NDUFS4: variants seen among roughly 807,000 people sequenced by gnomAD.
NDUFS4 encodes the protein NADH:ubiquinone oxidoreductase subunit S4, also known as NADH dehydrogenase [ubiquinone] iron-sulfur protein 4, mitochondrial.
NDUFS4 carries 28 observed loss-of-function variants against 24.3 expected under a neutral mutation model. The observed-to-expected ratio is 1.15, with a 90% confidence interval of 0.85 to 1.58. NDUFS4 has a LOEUF of 1.58. Ranked by LOEUF, NDUFS4 falls within the 40% of genes most tolerant of loss-of-function variation. NDUFS4 has a pLI of 0.00. For synonymous variants in NDUFS4, 93 were observed against 69.7 expected (o/e 1.34, Z -1.67); for missense variants, 223 against 207.9 (o/e 1.07, Z -0.45).
intron 3 of NDUFS4, among the ~76,000 whole-genome samples, chr5:53,646,741 T>C (rs1039464252): frequency 5.9e-5 from 9 of 152,170 alleles, no homozygotes; most frequent in Non-Finnish European, 1.0e-4. Context: ...AGTTATCCGA[T>C]GGACAGTACA....
chr5:53,634,481 A>G (rs369172682), intron 2 of NDUFS4, among the ~76,000 whole-genome samples: 3 of 152,182 alleles, frequency 2.0e-5, no homozygotes, highest in Admixed American at 6.5e-5. Context: ...AATGTATGCT[A>G]TGTGTTCTTT....
chr5:53,645,646 C>G (rs1177664134), intron 2 of NDUFS4, among the ~76,000 whole-genome samples: 1 of 152,154 alleles, frequency 6.6e-6, no homozygotes, highest in Non-Finnish European at 1.5e-5. Context: ...ATCATTCTCT[C>G]TTTAGTAGGT....
At chr5:53,610,177 T>G (rs1021936707) in intron 2 of NDUFS4, among the ~76,000 whole-genome samples, 10 of 152,184 alleles carry the variant, frequency 6.6e-5, no homozygotes, top group Non-Finnish European at 1.0e-4. Flanking sequence ...CATGAGACTC[T>G]TCCTTTCACT....
At chr5:53,680,316 A>G (rs1029963918) in intron 4 of NDUFS4, among the ~76,000 whole-genome samples, 13 of 152,280 alleles carry the variant, frequency 8.5e-5, no homozygotes, top group African/African-American at 2.6e-4. Flanking sequence ...TAGAAATACC[A>G]TTTGACCCAG....
chr5:53,667,921 C>T (rs1025341048), intron 4 of NDUFS4, among the ~76,000 whole-genome samples: 3 of 152,154 alleles, frequency 2.0e-5, no homozygotes, highest in Admixed American at 6.5e-5. Flanking sequence ...TGGGCTAGTT[C>T]GTCTTTATTT....
At chr5:53,591,461 TG>T (rs374748766) in intron 1 of NDUFS4, among the ~76,000 whole-genome samples, 41,240 of 81,256 alleles carry the variant, frequency 0.51, 10,207 homozygotes, top group Admixed American at 0.57. Flanking sequence ...TTGTTTTTTT[TG>T]GGGGGGGGGG....
At chr5:53,653,934 T>G (rs971490281) in intron 3 of NDUFS4, among the ~76,000 whole-genome samples, 1 of 152,142 alleles carries the variant, frequency 6.6e-6, no homozygotes, top group African/African-American at 2.4e-5. Context: ...ATGTACTGTC[T>G]CTTTAGTTGT....
At chr5:53,568,798 C>T (rs1002076186) in intron 1 of NDUFS4, among the ~76,000 whole-genome samples, 6 of 152,018 alleles carry the variant, frequency 3.9e-5, no homozygotes, top group Admixed American at 2.6e-4. Flanking sequence ...TGCTTCTCTA[C>T]TCTTTTGTGT....
At chr5:53,674,770 A>G (rs936468387) in intron 4 of NDUFS4, among the ~76,000 whole-genome samples, 3 of 152,182 alleles carry the variant, frequency 2.0e-5, no homozygotes, top group Non-Finnish European at 4.4e-5. Context: ...TTGTAAGTTT[A>G]CATTTTTTCT....
intron 2 of NDUFS4, among the ~76,000 whole-genome samples, chr5:53,609,075 G>A (rs1038965726): frequency 3.9e-5 from 6 of 152,282 alleles, no homozygotes; most frequent in African/African-American, 1.4e-4. Flanking sequence ...TTTGGACTCA[G>A]TTTCTTTCAA....
chr5:53,639,379 T>A (rs1751646011), intron 2 of NDUFS4, among the ~76,000 whole-genome samples: 1 of 151,880 alleles, frequency 6.6e-6, no homozygotes, highest in South Asian at 2.1e-4. Flanking sequence ...CTATAGTGTA[T>A]AAAAGCAATA....
intron 4 of NDUFS4, among the ~76,000 whole-genome samples, chr5:53,665,753 T>C (rs1384563300): frequency 6.6e-6 from 1 of 152,210 alleles, no homozygotes; most frequent in African/African-American, 2.4e-5. Context: ...GAAAGGGAAT[T>C]CCCTGACCCC....
rs184451238 is a variant in NDUFS4, at chr5:53,594,009, T to A, written c.99-9443T>A. Among the ~76,000 whole-genome samples, 454 of 152,226 alleles carry A rather than the reference T, an allele frequency of 3.0e-3. 1 individual carries two copies. Among genetic ancestry groups the A allele is most frequent in the African/African-American group, 0.011 (438 of 41,556 alleles). On this transcript the variant is annotated intron_variant, in intron 1 of 4. Transcript: ENST00000296684. Reference sequence around the variant, plus strand: ...TTCACTTGAGTTTGAGCAGAATGTGTCTTTTGCCATTGTTAGATAAAGCAG... The same window carrying A: ...TTCACTTGAGTTTGAGCAGAATGTGACTTTTGCCATTGTTAGATAAAGCAG...
chr5:53,569,204 T>C (rs1749136414), intron 1 of NDUFS4, among the ~76,000 whole-genome samples: 1 of 152,194 alleles, frequency 6.6e-6, no homozygotes, highest in Non-Finnish European at 1.5e-5. Flanking sequence ...TTTATGACTT[T>C]TGCCTTTTAA....
chr5:53,646,131 A>G (rs963491843), intron 2 of NDUFS4, 102 bp from the exon 3 acceptor site: 3 of 988,468 alleles, frequency 3.0e-6, no homozygotes, highest in African/African-American at 1.6e-5. Context: ...TCAATTTATG[A>G]ACAAATCTGA....
intron 4 of NDUFS4, among the ~76,000 whole-genome samples, chr5:53,666,809 C>G (rs1752527834): frequency 6.6e-6 from 1 of 152,034 alleles, no homozygotes; most frequent in Admixed American, 6.6e-5. Flanking sequence ...TGGTGCGCAC[C>G]TGTAGTCCTG....
chr5:53,596,362 G>A (rs141681116), intron 1 of NDUFS4, among the ~76,000 whole-genome samples: 34 of 152,268 alleles, frequency 2.2e-4, no homozygotes, highest in Admixed American at 5.2e-4. Context: ...GAGCCAAGGA[G>A]GTCGTGGTTG....
At chr5:53,678,810 CTT>C (rs1272529309) in intron 4 of NDUFS4, among the ~76,000 whole-genome samples, 1 of 152,144 alleles carries the variant, frequency 6.6e-6, no homozygotes, top group African/African-American at 2.4e-5. Context: ...ATTCGTCTAA[CTT>C]ACCCATTCTT....
rs113660312 is a variant in NDUFS4, at chr5:53,619,306, TAA to T, written c.177+15793_177+15794del. On this transcript the variant is annotated intron_variant, in intron 2 of 4. Transcript: ENST00000296684. ...TGAAACCCCTTTTCTGCTAAAAATT[TAA>T]AAAAAAAAAAAAAAAATTAGCCGGG... 5.1e-3 allele frequency among the ~76,000 whole-genome samples: 366 copies of T among 72,350 alleles called. 3 individuals carry two copies. Among genetic ancestry groups the T allele is most frequent in the African/African-American group, 0.016 (293 of 18,280 alleles). The allele number at this position is 72,350 out of a possible 152,430, so 47.5% of individuals were successfully genotyped here.
Sources: allele counts gnomAD v4.1 joint callset (sites outside exome capture counted in the v4.1 genomes callset), GRCh38; gene constraint gnomAD v4.1.1; transcripts MANE v1.5; gene names NCBI Gene and HGNC (gene_info 2026-07-23, HGNC 2026-07-21).